Variants in CPNE8 observed in about 807,000 individuals in gnomAD.
CPNE8 encodes the protein copine 8.
Under a neutral mutation model 81.5 loss-of-function variants are expected in CPNE8, and 45 were observed. The ratio of observed to expected loss-of-function variants is 0.55; its 90% CI spans 0.44 to 0.71. The LOEUF (loss-of-function observed/expected upper bound fraction) is 0.71, where lower values mean the gene tolerates loss of function less well. Among genes scored for constraint, CPNE8 ranks in the 30% least tolerant of loss-of-function variants. The pLI is 0.00. For synonymous variants in CPNE8, 252 were observed against 226.3 expected (o/e 1.11, Z -1.02); for missense variants, 594 against 672.1 (o/e 0.88, Z 1.28).
intron 18 of CPNE8, among the ~76,000 whole-genome samples, chr12:38,673,938 A>C (rs1040857983): frequency 6.6e-6 from 1 of 151,956 alleles, no homozygotes; most frequent in African/African-American, 2.4e-5. Context: ...TTAATTTTGG[A>C]GGGAAAAAGT....
At chr12:38,719,682 C>A (rs1284735828) in intron 13 of CPNE8, among the ~76,000 whole-genome samples, 3 of 150,868 alleles carry the variant, frequency 2.0e-5, no homozygotes, top group Admixed American at 2.0e-4. Context: ...ATACATAATA[C>A]AATGATTATT....
chr12:38,681,271 G>C (rs867734642), intron 16 of CPNE8, among the ~76,000 whole-genome samples: 6 of 151,780 alleles, frequency 4.0e-5, no homozygotes, highest in Non-Finnish European at 8.8e-5. Context: ...ATATACAAGA[G>C]GAAACAGATT....
intron 6 of CPNE8, among the ~76,000 whole-genome samples, chr12:38,799,472 GA>G (rs1240665954): frequency 3.3e-5 from 5 of 151,966 alleles, no homozygotes; most frequent in Non-Finnish European, 5.9e-5. Context: ...AATGAAGGCA[GA>G]AAAAAAGATA....
At chr12:38,736,557 T>C (rs1263160322) in intron 10 of CPNE8, among the ~76,000 whole-genome samples, 1 of 152,088 alleles carries the variant, frequency 6.6e-6, no homozygotes, top group Admixed American at 6.6e-5. Flanking sequence ...TTTAAGTATA[T>C]TCATAATGTT....
At chr12:38,791,399 CA>C (rs1346738116) in intron 6 of CPNE8, among the ~76,000 whole-genome samples, 2 of 150,458 alleles carry the variant, frequency 1.3e-5, no homozygotes, top group Non-Finnish European at 3.0e-5. Context: ...ACTTACTAAC[CA>C]AAAAATTGAG....
intron 6 of CPNE8, among the ~76,000 whole-genome samples, chr12:38,791,162 G>A (rs968557515): frequency 6.6e-6 from 1 of 151,524 alleles, no homozygotes; most frequent in African/African-American, 2.4e-5. Flanking sequence ...ATATGATACA[G>A]CCATGTAGTT....
chr12:38,859,256 C>T (rs1035573457), intron 3 of CPNE8, among the ~76,000 whole-genome samples: 8 of 151,470 alleles, frequency 5.3e-5, no homozygotes, highest in African/African-American at 2.4e-5. Context: ...GTTGCAGATA[C>T]GAAATCTATA....
At chr12:38,768,981 ATACT>A (rs1345103315) in intron 7 of CPNE8, among the ~76,000 whole-genome samples, 1 of 152,228 alleles carries the variant, frequency 6.6e-6, no homozygotes, top group Non-Finnish European at 1.5e-5. Context: ...GAGTCCAGCA[ATACT>A]TACTAAGTAT....
intron 13 of CPNE8, among the ~76,000 whole-genome samples, chr12:38,711,288 T>C (rs932480927): frequency 1.3e-5 from 2 of 152,094 alleles, no homozygotes; most frequent in African/African-American, 2.4e-5. Flanking sequence ...CCAATACCAA[T>C]AGAGTGTCAA....
chr12:38,688,163 C>T lies in CPNE8; in HGVS notation c.1144-2546G>A, dbSNP rs113714515. 2.7e-3 allele frequency among the ~76,000 whole-genome samples: 413 copies of T among 152,186 alleles called. 4 individuals are homozygous for T. Among genetic ancestry groups the T allele is most frequent in the African/African-American group, 9.0e-3 (376 of 41,550 alleles). ...TTTTAACATGTTGATTGGAGGTTTA[C>T]GTTTTGATGAAACTGTATGTTATCA... is the stretch of plus-strand genomic sequence containing the variant. On this transcript the variant is annotated intron_variant, in intron 15 of 19. Transcript: ENST00000331366.
At chr12:38,771,753 G>A (rs1370301363) in intron 7 of CPNE8, among the ~76,000 whole-genome samples, 1 of 152,018 alleles carries the variant, frequency 6.6e-6, no homozygotes, top group Non-Finnish European at 1.5e-5. Context: ...TATTGGCCTT[G>A]GATATTATTT....
At chr12:38,769,866 TA>T (rs1443337229) in intron 7 of CPNE8, among the ~76,000 whole-genome samples, 1 of 152,134 alleles carries the variant, frequency 6.6e-6, no homozygotes, top group Non-Finnish European at 1.5e-5. Flanking sequence ...TGATTCAAAA[TA>T]AAGATTTATT....
At chr12:38,736,553 TA>T (rs1241810910) in intron 10 of CPNE8, among the ~76,000 whole-genome samples, 4 of 151,972 alleles carry the variant, frequency 2.6e-5, no homozygotes, top group African/African-American at 9.7e-5. Flanking sequence ...TATTTTTAAG[TA>T]TATTCATAAT....
At chr12:38,816,060 C>T (rs1459097042) in intron 6 of CPNE8, among the ~76,000 whole-genome samples, 2 of 152,010 alleles carry the variant, frequency 1.3e-5, no homozygotes, top group African/African-American at 4.8e-5. Context: ...TCTAATATTA[C>T]TAAAATCATA....
At chr12:38,839,750 C>T (rs1235698544) in intron 5 of CPNE8, among the ~76,000 whole-genome samples, 166 bp downstream of exon 5, 2 of 152,032 alleles carry the variant, frequency 1.3e-5, no homozygotes, top group Admixed American at 6.6e-5. Flanking sequence ...TTTTAATAAG[C>T]TCCTCCAAAA....
At chr12:38,797,121 CACAG>C (rs1942502435) in intron 6 of CPNE8, among the ~76,000 whole-genome samples, 2 of 152,312 alleles carry the variant, frequency 1.3e-5, no homozygotes, top group South Asian at 4.1e-4. Context: ...GGGGGCAGGG[CACAG>C]ACAAACAAAA....
intron 6 of CPNE8, among the ~76,000 whole-genome samples, chr12:38,828,543 G>A (rs1374433063): frequency 6.6e-6 from 1 of 152,058 alleles, no homozygotes; most frequent in Non-Finnish European, 1.5e-5. Context: ...ATAATGCCTT[G>A]CCATTTCAAG....
intron 6 of CPNE8, among the ~76,000 whole-genome samples, chr12:38,780,066 C>A (rs955870547): frequency 6.6e-6 from 1 of 151,926 alleles, no homozygotes; most frequent in African/African-American, 2.4e-5. Flanking sequence ...AGGTCTTTTA[C>A]CCATTTTGAG....
intron 6 of CPNE8, among the ~76,000 whole-genome samples, chr12:38,793,388 G>A (rs1470112707): frequency 2.0e-5 from 3 of 150,826 alleles, no homozygotes; most frequent in Admixed American, 6.6e-5. Context: ...CAAATTTGCA[G>A]GATATAAAAT....
Sources: allele counts gnomAD v4.1 joint callset (sites outside exome capture counted in the v4.1 genomes callset), GRCh38; gene constraint gnomAD v4.1.1; transcripts MANE v1.5; gene names NCBI Gene and HGNC (gene_info 2026-07-23, HGNC 2026-07-21).